CTIF: variants seen among roughly 807,000 people sequenced by gnomAD.
CTIF encodes cap binding complex dependent translation initiation factor.
Under a neutral mutation model 66.0 loss-of-function variants are expected in CTIF, and 21 were observed. The observed-to-expected ratio is 0.32, with a 90% CI of 0.23 to 0.46. CTIF has a LOEUF of 0.46. Ranked by LOEUF, CTIF falls within the 20% of genes least tolerant of loss-of-function variation. CTIF has a pLI of 1.00. For synonymous variants in CTIF, 345 were observed against 326.4 expected (o/e 1.06, Z -0.62); for missense variants, 739 against 812.7 (o/e 0.91, Z 1.10).
intron 7 of CTIF, among the ~76,000 whole-genome samples, chr18:48,753,466 C>T (rs1009564004): frequency 2.6e-5 from 4 of 151,974 alleles, no homozygotes; most frequent in South Asian, 2.1e-4. Context: ...TGTGGTGTTC[C>T]GAGAACATTT....
At chr18:48,684,511 A>G (rs910712390) in intron 6 of CTIF, among the ~76,000 whole-genome samples, 2 of 152,102 alleles carry the variant, frequency 1.3e-5, no homozygotes, top group Non-Finnish European at 2.9e-5. Context: ...TATCAATTCT[A>G]GTGATTTCCT....
intron 10 of CTIF, among the ~76,000 whole-genome samples, chr18:48,838,956 TCTG>T (rs1163588534): frequency 6.6e-6 from 1 of 152,090 alleles, no homozygotes; most frequent in Non-Finnish European, 1.5e-5. Flanking sequence ...GAACCTGTCT[TCTG>T]CTCCCCAAGC....
chr18:48,628,637 G>A (rs763897002), intron 2 of CTIF, among the ~76,000 whole-genome samples: 7 of 152,162 alleles, frequency 4.6e-5, no homozygotes, highest in Non-Finnish European at 8.8e-5. Flanking sequence ...TTACAGATGG[G>A]GGAAACTTCG....
intron 7 of CTIF, among the ~76,000 whole-genome samples, chr18:48,740,437 C>A (rs1040505907): frequency 6.6e-6 from 1 of 152,250 alleles, no homozygotes; most frequent in African/African-American, 2.4e-5. Context: ...GTGTCTCCAT[C>A]GGCTGGGCCT....
intron 6 of CTIF, 55 bp downstream of exon 6, chr18:48,670,799 C>T: frequency 1.4e-6 from 2 of 1,472,204 alleles, no homozygotes; most frequent in South Asian, 2.3e-5. Context: ...GAGTCCTGAT[C>T]CTCTTCCTGG....
At chr18:48,783,582 C>T (rs548293629) in intron 9 of CTIF, among the ~76,000 whole-genome samples, 7 of 152,266 alleles carry the variant, frequency 4.6e-5, no homozygotes, top group African/African-American at 1.7e-4. Context: ...GGGGTACAGC[C>T]TGGGGAGGCC....
rs2069469541 is a variant in CTIF at position 48,861,575 on chromosome 18, T to C, written c.*2016T>C. 1 of 152,424 alleles carries C rather than the reference T, an allele frequency of 6.6e-6. No individual in the cohort carries two copies. The highest frequency in any genetic ancestry group is 2.4e-5 in the African/African-American group (1 of 41,452). The allele number at this position is 152,424 out of a possible 1,614,324, so 9.4% of individuals were successfully genotyped here. On this transcript the variant is annotated 3_prime_UTR_variant, in exon 12 of 12. Coordinates refer to ENST00000256413, the MANE Select transcript of CTIF (RefSeq NM_014772.3). ...GTGGCCCCTGCCCCCCTGAAGCATG[T>C]GGGGTTTGTCCGCTAGGAGGAGGCA...
rs937154065 is a variant in CTIF, at chr18:48,663,970, A to G, written c.326+145A>G. ...GATGTAGGAAGGATGGGGTGGAAAG[A>G]AGGCCGGAGAGAGGAGGCGGTGAGT... is the stretch of plus-strand genomic sequence containing the variant. On this transcript the variant is annotated intron_variant, in intron 4 of 11. Coordinates refer to ENST00000256413, the MANE Select transcript of CTIF (RefSeq NM_014772.3). 9 of 782,650 alleles carry G rather than the reference A, an allele frequency of 1.1e-5. No homozygotes were observed. In the East Asian group the frequency reaches 2.3e-4, roughly 20 times the overall value. The allele number at this position is 782,650 out of a possible 1,614,324, so 48.5% of individuals were successfully genotyped here.
intron 3 of CTIF, among the ~76,000 whole-genome samples, chr18:48,659,075 G>A (rs529505053): frequency 4.6e-5 from 7 of 152,254 alleles, no homozygotes; most frequent in Middle Eastern, 3.4e-3. Flanking sequence ...TCTTCTCCAC[G>A]TGCTAGGCTA....
chr18:48,752,043 A>T (rs745569042), intron 7 of CTIF, among the ~76,000 whole-genome samples: 2 of 152,212 alleles, frequency 1.3e-5, no homozygotes, highest in African/African-American at 4.8e-5. Flanking sequence ...CAGACCTTTC[A>T]TCTATTCCAG....
At chr18:48,687,774 C>T (rs73958918) in intron 6 of CTIF, among the ~76,000 whole-genome samples, 2,039 of 152,292 alleles carry the variant, frequency 0.013, 47 homozygotes, top group African/African-American at 0.046. Flanking sequence ...CTTCAAATTG[C>T]CCTTAAGAAC....
chr18:48,545,942 A>T (rs901549504), intron 1 of CTIF, among the ~76,000 whole-genome samples: 1 of 152,170 alleles, frequency 6.6e-6, no homozygotes, highest in African/African-American at 2.4e-5. Context: ...AGCTGGCAGA[A>T]TCCAGCGACA....
intron 1 of CTIF, among the ~76,000 whole-genome samples, chr18:48,602,192 G>C (rs1177163226): frequency 6.6e-6 from 1 of 152,188 alleles, no homozygotes; most frequent in Non-Finnish European, 1.5e-5. Flanking sequence ...TGTCGTTAAA[G>C]GTGTCTACAA....
At chr18:48,795,530 A>T (rs995298040) in intron 9 of CTIF, among the ~76,000 whole-genome samples, 2 of 152,282 alleles carry the variant, frequency 1.3e-5, no homozygotes, top group Admixed American at 1.3e-4. Context: ...TTGGGGAAAA[A>T]AGTCACTTCT....
chr18:48,727,139 G>A (rs564524937), intron 7 of CTIF, among the ~76,000 whole-genome samples: 1 of 151,948 alleles, frequency 6.6e-6, no homozygotes, highest in East Asian at 1.9e-4. Flanking sequence ...CAGGCATAGG[G>A]TAACAGCCTT....
chr18:48,747,235 C>T (rs2145790946), intron 7 of CTIF, among the ~76,000 whole-genome samples: 1 of 152,326 alleles, frequency 6.6e-6, no homozygotes, highest in Non-Finnish European at 1.5e-5. Flanking sequence ...TTCAATGAAT[C>T]AAGAATAAAC....
intron 1 of CTIF, among the ~76,000 whole-genome samples, chr18:48,610,222 CGGAGGAGAAGG>C (rs1481046918): frequency 1.3e-5 from 2 of 152,130 alleles, no homozygotes; most frequent in East Asian, 3.9e-4. Context: ...AGCCCAGAGG[CGGAGGAGAAGG>C]TGTCACCAGG....
intron 4 of CTIF, among the ~76,000 whole-genome samples, chr18:48,664,053 G>A (rs941828589): frequency 1.3e-5 from 2 of 152,164 alleles, no homozygotes; most frequent in Non-Finnish European, 2.9e-5. Flanking sequence ...TGCAGAGGCT[G>A]GGCCCCGCTT....
intron 2 of CTIF, among the ~76,000 whole-genome samples, chr18:48,630,375 A>C (rs2090681722): frequency 6.6e-6 from 1 of 152,190 alleles, no homozygotes; most frequent in Non-Finnish European, 1.5e-5. Flanking sequence ...TGTCGCTTAG[A>C]AGTTTGAAAT....
Sources: allele counts gnomAD v4.1 joint callset (sites outside exome capture counted in the v4.1 genomes callset), GRCh38; gene constraint gnomAD v4.1.1; transcripts MANE v1.5; gene names NCBI Gene and HGNC (gene_info 2026-07-23, HGNC 2026-07-21).